Variants in RYR3 observed in about 807,000 individuals in gnomAD.
RYR3 encodes ryanodine receptor 3.
A neutral mutation model predicts 584.3 loss-of-function variants in RYR3; 207 were observed. That is an observed-to-expected ratio of 0.35 (90% CI 0.32 to 0.40). RYR3 has a LOEUF of 0.40. RYR3 is among the 10% of genes least tolerant of loss of function. The probability of loss-of-function intolerance (pLI) is 1.00; values close to 1 mark genes in which losing one functional copy is unlikely to be tolerated. For synonymous variants in RYR3, 2,416 were observed against 2,248.5 expected, an observed-to-expected ratio of 1.07 and a Z score of -2.11; for missense variants, 5,616 against 6,089.2, an observed-to-expected ratio of 0.92 and a Z score of 2.59.
chr15:33,860,554 C>CG, intron 100 of RYR3, 41 bp from the exon 101 acceptor site: 2 of 1,285,708 alleles, frequency 1.6e-6, no homozygotes, highest in Non-Finnish European at 2.2e-6. Flanking sequence ...TACCCCTGAA[C>CG]CACTACACAG....
chr15:33,455,306 A>C (rs565803398), intron 1 of RYR3, among the ~76,000 whole-genome samples: 23 of 149,892 alleles, frequency 1.5e-4, no homozygotes, highest in Non-Finnish European at 3.4e-4. Context: ...CTGCAATCTA[A>C]CATAGGGTCT....
At chr15:33,713,470 G>T (rs2067266183) in intron 43 of RYR3, among the ~76,000 whole-genome samples, 1 of 151,874 alleles carries the variant, frequency 6.6e-6, no homozygotes, top group Non-Finnish European at 1.5e-5. Flanking sequence ...CATATAGGGG[G>T]GTTATAAGGG....
chr15:33,757,333 G>T, intron 59 of RYR3, 142 bp from the exon 60 acceptor site: 1 of 875,234 alleles, frequency 1.1e-6, no homozygotes, highest in Non-Finnish European at 1.7e-6. Flanking sequence ...ATGGAAACTG[G>T]GACCAAAGGG....
chr15:33,418,191 ATAGAATGAGT>A (rs1466255211), intron 1 of RYR3, among the ~76,000 whole-genome samples: 12 of 152,150 alleles, frequency 7.9e-5, no homozygotes, highest in African/African-American at 2.9e-4. Flanking sequence ...CACTAGTTTT[ATAGAATGAGT>A]TAGAGAGGAG....
At chr15:33,424,852 C>T (rs1387399580) in intron 1 of RYR3, among the ~76,000 whole-genome samples, 5 of 152,086 alleles carry the variant, frequency 3.3e-5, no homozygotes, top group South Asian at 2.1e-4. Context: ...GTGGTGTGTG[C>T]GTGTAGCCCC....
At chr15:33,540,975 T>G in intron 7 of RYR3, 85 bp downstream of exon 7, 1 of 844,836 alleles carries the variant, frequency 1.2e-6, no homozygotes, top group African/African-American at 1.7e-5. Context: ...ACTTCCCAGA[T>G]CTCACCTGAA....
At chr15:33,576,430 G>A (rs545132755) in intron 12 of RYR3, among the ~76,000 whole-genome samples, 18 of 152,052 alleles carry the variant, frequency 1.2e-4, no homozygotes, top group Non-Finnish European at 1.9e-4. Flanking sequence ...TGATCAAGTT[G>A]GCTTCATCCC....
intron 1 of RYR3, among the ~76,000 whole-genome samples, chr15:33,457,677 G>T (rs1227702365): frequency 6.6e-6 from 1 of 152,142 alleles, no homozygotes; most frequent in Non-Finnish European, 1.5e-5. Context: ...GGGTGACTAC[G>T]ATTCACAATA....
chr15:33,699,214 G>GTGTC lies in RYR3; in HGVS notation c.6250-468_6250-465dup, dbSNP rs1160754194. 2.3e-3 allele frequency among the ~76,000 whole-genome samples: 324 copies of GTGTC among 141,532 alleles called. 3 individuals are homozygous for GTGTC. The highest frequency in any genetic ancestry group is 2.9e-3 in the South Asian group (12 of 4,098). The allele number at this position is 141,532 out of a possible 152,430, so 92.9% of individuals were successfully genotyped here. ...GGGCCTTATGTGTCTACGATCACCT[G>GTGTC]TGTCTGTCTGTCTGTCTGTCTGTCT... On this transcript the variant is annotated intron_variant, in intron 40 of 103. Coordinates refer to ENST00000634891, the MANE Select transcript of RYR3 (RefSeq NM_001036.6).
chr15:33,583,033 C>G (rs1431712396), intron 14 of RYR3, among the ~76,000 whole-genome samples: 1 of 152,100 alleles, frequency 6.6e-6, no homozygotes, highest in East Asian at 1.9e-4. Context: ...AGCATATTTT[C>G]TCCCTCTCTC....
At chr15:33,620,697 G>A (rs551841599) in intron 19 of RYR3, among the ~76,000 whole-genome samples, 1 of 152,286 alleles carries the variant, frequency 6.6e-6, no homozygotes, top group East Asian at 1.9e-4. Flanking sequence ...ATCTCATAGG[G>A]CAAGTTACGA....
chr15:33,842,056 C>T (rs1382788339), intron 91 of RYR3, 21 bp downstream of exon 91: 1 of 1,587,534 alleles, frequency 6.3e-7, no homozygotes, highest in South Asian at 1.2e-5. Context: ...CAACCTTGGC[C>T]CTGTTCATGG....
At chr15:33,537,584 G>T (rs572255614) in intron 5 of RYR3, among the ~76,000 whole-genome samples, 4 of 152,158 alleles carry the variant, frequency 2.6e-5, no homozygotes, top group African/African-American at 9.7e-5. Flanking sequence ...CCAGTGGTCT[G>T]ACTGTTGAGA....
rs773961780 is a variant in RYR3 at position 33,473,365 on chromosome 15, G to A, written c.52-54G>A. The A allele has an allele frequency of 4.3e-6, 7 of 1,611,128 alleles. No homozygotes were observed. In the East Asian group the frequency reaches 8.9e-5, roughly 21 times the overall value. On this transcript the variant is annotated intron_variant, in intron 1 of 103. Transcript: ENST00000634891. Reference sequence around the variant, plus strand: ...ACTCAGGTACAGGAAGGTGACTCGGGGCCTGGCTCAGCAGTTCCCCTTACT... The same window carrying A: ...ACTCAGGTACAGGAAGGTGACTCGGAGCCTGGCTCAGCAGTTCCCCTTACT...
chr15:33,335,003 GTTA>G (rs1294672861), intron 1 of RYR3, among the ~76,000 whole-genome samples: 2 of 152,212 alleles, frequency 1.3e-5, no homozygotes, highest in Non-Finnish European at 2.9e-5. Flanking sequence ...AGTCAGAATG[GTTA>G]TTATTAAAAA....
chr15:33,827,455 T>C (rs945104407), intron 85 of RYR3, among the ~76,000 whole-genome samples, 168 bp downstream of exon 85: 1 of 152,228 alleles, frequency 6.6e-6, no homozygotes, highest in South Asian at 2.1e-4. Context: ...AAGAGTATAT[T>C]TGAAGACAGA....
intron 1 of RYR3, among the ~76,000 whole-genome samples, chr15:33,460,420 G>C (rs969357828): frequency 6.6e-6 from 1 of 152,180 alleles, no homozygotes; most frequent in African/African-American, 2.4e-5. Context: ...CTTCACAAAA[G>C]AGCCTTGTGT....
intron 12 of RYR3, among the ~76,000 whole-genome samples, chr15:33,577,452 G>A (rs539009056): frequency 2.6e-5 from 4 of 152,254 alleles, no homozygotes; most frequent in South Asian, 4.2e-4. Flanking sequence ...AGAGAACTCA[G>A]AAATAAGACC....
rs2043484096 is a variant in RYR3, at chr15:33,412,518, G to A, written c.52-60901G>A. On this transcript the variant is annotated intron_variant, in intron 1 of 103. Coordinates refer to ENST00000634891, the MANE Select transcript of RYR3 (RefSeq NM_001036.6). The surrounding 1 kb of genome is among the most constrained non-coding windows in gnomAD (Gnocchi z 4.3). Reference sequence around the variant, plus strand: ...GCCACCCTGGCCACGTGCATTGGCAGAAGTCTCCCTGCCCTCTGGAGAAAG... The same window carrying A: ...GCCACCCTGGCCACGTGCATTGGCAAAAGTCTCCCTGCCCTCTGGAGAAAG... Among the ~76,000 whole-genome samples, 1 of 152,178 alleles carries A rather than the reference G, an allele frequency of 6.6e-6. No individual in the cohort carries two copies. Among genetic ancestry groups the A allele is most frequent in the Non-Finnish European group, 1.5e-5 (1 of 68,032 alleles).
Sources: gnomAD v4.1 joint callset for allele counts (sites outside exome capture counted in the v4.1 genomes callset) on GRCh38, gnomAD v4.1.1 for gene constraint, Gnocchi (gnomAD v3.1) non-coding constraint, MANE v1.5 for transcripts, NCBI Gene and HGNC (gene_info 2026-07-23, HGNC 2026-07-21) for gene names.